The following STRN3 variants were observed in gnomAD, a reference collection of about 807,000 sequenced individuals.
The protein encoded by STRN3 is striatin-3.
Under a neutral mutation model 95.6 loss-of-function variants are expected in STRN3, and 29 were observed. The ratio of observed to expected loss-of-function variants is 0.30; its 90% CI spans 0.23 to 0.41. The LOEUF is 0.41. Among genes scored for constraint, STRN3 ranks in the 10% least tolerant of loss-of-function variants. The pLI is 1.00. For missense variants in STRN3, 890 were observed against 972.1 expected, an observed-to-expected ratio of 0.92 and a Z score of 1.12; for synonymous variants, 331 against 357.6, an observed-to-expected ratio of 0.93 and a Z score of 0.84.
intron 3 of STRN3, among the ~76,000 whole-genome samples, chr14:30,954,220 C>T (rs1437571106): frequency 6.6e-6 from 1 of 151,980 alleles, no homozygotes; most frequent in East Asian, 1.9e-4. Context: ...GTCTTTTGCC[C>T]ATTATTCTAT....
chr14:30,980,439 GCT>G (rs1881336268), intron 1 of STRN3, among the ~76,000 whole-genome samples: 1 of 150,950 alleles, frequency 6.6e-6, no homozygotes, highest in African/African-American at 2.4e-5. Flanking sequence ...ATGGAGTGTT[GCT>G]CTGTCACCCA....
At chr14:30,937,079 G>A (rs552456595) in intron 5 of STRN3, among the ~76,000 whole-genome samples, 1 of 152,142 alleles carries the variant, frequency 6.6e-6, no homozygotes, top group Admixed American at 6.6e-5. Flanking sequence ...CCAGCACTTT[G>A]GGAGGTGAAG....
intron 1 of STRN3, among the ~76,000 whole-genome samples, chr14:30,975,199 T>TA (rs757652545): frequency 2.0e-5 from 3 of 150,984 alleles, no homozygotes; most frequent in Non-Finnish European, 4.4e-5. Context: ...GAAAATGTGA[T>TA]ATACCATGGA....
chr14:30,922,728 C>A (rs1174506721), intron 8 of STRN3, among the ~76,000 whole-genome samples: 1 of 152,114 alleles, frequency 6.6e-6, no homozygotes, highest in East Asian at 1.9e-4. Context: ...TATTTTCTAT[C>A]ATAATTAAAG....
intron 1 of STRN3, among the ~76,000 whole-genome samples, chr14:30,989,136 A>G (rs1236165245): frequency 6.6e-6 from 1 of 152,124 alleles, no homozygotes; most frequent in East Asian, 1.9e-4. Flanking sequence ...TAGTCTGGTC[A>G]AGTTCAAGAT....
In STRN3 at chr14:31,026,202, G is replaced by C. The variant is rs1423569999; in HGVS notation, c.-17C>G. On this transcript the variant is annotated 5_prime_UTR_variant, in exon 1 of 18. Coordinates refer to ENST00000357479, the MANE Select transcript of STRN3 (RefSeq NM_001083893.2). ...CTCGTCCATTGTGTGTGGGGCCCCG[G>C]CCGGGGCGCAGGGCGAGACGCCGAC... 2 of 1,404,688 alleles carry C rather than the reference G, an allele frequency of 1.4e-6. No homozygotes were observed. The highest frequency in any genetic ancestry group is 6.9e-5 in the Admixed American group (2 of 29,082). The allele number at this position is 1,404,688 out of a possible 1,614,324, so 87.0% of individuals were successfully genotyped here.
At chr14:30,964,944 G>A (rs1365052827) in intron 1 of STRN3, among the ~76,000 whole-genome samples, 1 of 151,804 alleles carries the variant, frequency 6.6e-6, no homozygotes, top group Admixed American at 6.6e-5. Flanking sequence ...AAAAAAAAGA[G>A]AGTCTTGGTC....
At chr14:30,999,006 A>G (rs1200651764) in intron 1 of STRN3, among the ~76,000 whole-genome samples, 8 of 152,222 alleles carry the variant, frequency 5.3e-5, no homozygotes, top group Non-Finnish European at 1.2e-4. Flanking sequence ...ACCTATACAC[A>G]GAGGAAAAGC....
At chr14:30,924,074 T>C (rs1436733175) in intron 8 of STRN3, among the ~76,000 whole-genome samples, 1 of 151,724 alleles carries the variant, frequency 6.6e-6, no homozygotes, top group African/African-American at 2.4e-5. Context: ...AGTTTTAGCT[T>C]AGATATTAGT....
chr14:30,929,966 A>AAAAAAAC (rs1555317370), intron 7 of STRN3, among the ~76,000 whole-genome samples: 2 of 108,282 alleles, frequency 1.8e-5, no homozygotes, highest in Admixed American at 9.9e-5. Flanking sequence ...AAAAAAAAAA[A>AAAAAAAC]AAAAAAAAAA....
chr14:30,958,022 G>A (rs898962684), intron 1 of STRN3, among the ~76,000 whole-genome samples: 2 of 152,092 alleles, frequency 1.3e-5, no homozygotes, highest in African/African-American at 4.8e-5. Flanking sequence ...AACTGCTGTC[G>A]TCAAAAAAAC....
chr14:30,911,742 TG>T (rs1329836104), intron 12 of STRN3, 34 bp downstream of exon 12: 1 of 1,552,308 alleles, frequency 6.4e-7, no homozygotes, highest in African/African-American at 1.4e-5. Context: ...ACAATAATGA[TG>T]ATGTTAATTA....
intron 1 of STRN3, among the ~76,000 whole-genome samples, chr14:30,986,839 G>A (rs1295287420): frequency 6.6e-6 from 1 of 152,008 alleles, no homozygotes; most frequent in Non-Finnish European, 1.5e-5. Context: ...GTTAAAGGAA[G>A]GAAAGAAAAA....
intron 1 of STRN3, among the ~76,000 whole-genome samples, chr14:30,990,853 G>A (rs1881920017): frequency 6.6e-6 from 1 of 152,078 alleles, no homozygotes; most frequent in Non-Finnish European, 1.5e-5. Context: ...ACTGTTTAGG[G>A]AATAATGACA....
At chr14:30,992,096 A>ACAC in intron 1 of STRN3, among the ~76,000 whole-genome samples, 1 of 152,022 alleles carries the variant, frequency 6.6e-6, no homozygotes, top group Non-Finnish European at 1.5e-5. Flanking sequence ...AACAACAACA[A>ACAC]CACAAAAAAA....
At chr14:30,997,072 A>G (rs1196924015) in intron 1 of STRN3, among the ~76,000 whole-genome samples, 1 of 152,156 alleles carries the variant, frequency 6.6e-6, no homozygotes, top group Non-Finnish European at 1.5e-5. Context: ...AAAGACACTC[A>G]TTTCAAACAG....
At chr14:30,946,369 C>A (rs139390849) in intron 5 of STRN3, among the ~76,000 whole-genome samples, 2 of 151,752 alleles carry the variant, frequency 1.3e-5, no homozygotes, top group Non-Finnish European at 2.9e-5. Flanking sequence ...AGAGCAAGAA[C>A]CCATCTCCAC....
intron 1 of STRN3, among the ~76,000 whole-genome samples, chr14:31,017,631 C>T (rs1418313013): frequency 6.6e-6 from 1 of 152,092 alleles, no homozygotes; most frequent in Non-Finnish European, 1.5e-5. Flanking sequence ...GAACAAATTT[C>T]CCCCAAGGAT....
chr14:31,024,100 A>T (rs1468369981), intron 1 of STRN3, among the ~76,000 whole-genome samples: 1 of 152,182 alleles, frequency 6.6e-6, no homozygotes, highest in Admixed American at 6.5e-5. Flanking sequence ...TTTAATATAT[A>T]GTATAGGTTT....
Sources: gnomAD v4.1 joint callset for allele counts (sites outside exome capture counted in the v4.1 genomes callset) on GRCh38, gnomAD v4.1.1 for gene constraint, MANE v1.5 for transcripts, NCBI Gene and HGNC (gene_info 2026-07-23, HGNC 2026-07-21) for gene names.